The following LRRTM4 variants were observed in gnomAD, a reference collection of about 807,000 sequenced individuals.
LRRTM4 encodes the protein leucine rich repeat transmembrane neuronal 4.
LRRTM4 carries 25 observed loss-of-function variants against 47.6 expected under a neutral mutation model. The observed-to-expected ratio is 0.53, with a 90% confidence interval of 0.38 to 0.73. The LOEUF (loss-of-function observed/expected upper bound fraction) is 0.73. Ranked by LOEUF, LRRTM4 falls within the 30% of genes least tolerant of loss-of-function variation. The pLI, the probability that LRRTM4 is intolerant of heterozygous loss-of-function variation, is 0.00. For synonymous variants in LRRTM4, 311 were observed against 269.5 expected (o/e 1.15, Z -1.51); for missense variants, 638 against 713.4 (o/e 0.89, Z 1.20).
chr2:76,766,649 T>G (rs1398499644), intron 3 of LRRTM4, among the ~76,000 whole-genome samples: 2 of 152,180 alleles, frequency 1.3e-5, no homozygotes, highest in African/African-American at 4.8e-5. Context: ...GAGGTAGTAT[T>G]TATTTCTTGC....
At chr2:76,832,908 G>A (rs1266756942) in intron 3 of LRRTM4, among the ~76,000 whole-genome samples, 2 of 152,044 alleles carry the variant, frequency 1.3e-5, no homozygotes, top group African/African-American at 4.8e-5. Context: ...AGGAACTACA[G>A]GACCCAGAGG....
chr2:77,346,478 T>TG lies in LRRTM4; in HGVS notation c.1551+171839dup, dbSNP rs551987635. ...AGTACTTGTGTACACATGTGTGTGCTGGGGGGGTCTATGTACTTACATGGG... is the reference window on the plus strand; with the variant it reads ...AGTACTTGTGTACACATGTGTGTGCTGGGGGGGGTCTATGTACTTACATGGG... On this transcript the variant is annotated intron_variant, in intron 3 of 3. Transcript: ENST00000409884. Among the ~76,000 whole-genome samples, 665 of 152,120 alleles carry TG rather than the reference T, an allele frequency of 4.4e-3. 6 individuals carry two copies. The highest frequency in any genetic ancestry group is 9.0e-3 in the Admixed American group (137 of 15,254).
chr2:77,211,020 C>A (rs1325974198), intron 3 of LRRTM4, among the ~76,000 whole-genome samples: 1 of 152,050 alleles, frequency 6.6e-6, no homozygotes, highest in East Asian at 1.9e-4. Context: ...CAGAAAAAAG[C>A]TCCCCTGTAC....
At chr2:77,459,143 G>A (rs1202662151) in intron 3 of LRRTM4, among the ~76,000 whole-genome samples, 1 of 151,890 alleles carries the variant, frequency 6.6e-6, no homozygotes, top group Non-Finnish European at 1.5e-5. Context: ...AAAATTAAAA[G>A]CTCCACTCTA....
chr2:77,432,626 G>C (rs370730982), intron 3 of LRRTM4, among the ~76,000 whole-genome samples: 4 of 152,204 alleles, frequency 2.6e-5, no homozygotes, highest in African/African-American at 9.6e-5. Context: ...GAAAGGCTAA[G>C]AGATAAGTAT....
chr2:77,297,898 T>C (rs1312554426), intron 3 of LRRTM4, among the ~76,000 whole-genome samples: 1 of 152,216 alleles, frequency 6.6e-6, no homozygotes, highest in East Asian at 1.9e-4. Flanking sequence ...CAAAGACTTA[T>C]TCACCTACAA....
intron 3 of LRRTM4, among the ~76,000 whole-genome samples, chr2:77,365,957 A>T (rs575182808): frequency 1.4e-3 from 209 of 149,478 alleles, no homozygotes; most frequent in African/African-American, 5.0e-3. Flanking sequence ...TATATATATA[A>T]AATCTAAATA....
At chr2:77,026,535 A>G (rs1002445109) in intron 3 of LRRTM4, among the ~76,000 whole-genome samples, 1 of 152,150 alleles carries the variant, frequency 6.6e-6, no homozygotes. Flanking sequence ...TATTTACAAC[A>G]AAAGTAATAG....
chr2:77,480,287 C>A (rs1677621718), intron 3 of LRRTM4, among the ~76,000 whole-genome samples: 1 of 152,080 alleles, frequency 6.6e-6, no homozygotes, highest in Non-Finnish European at 1.5e-5. Flanking sequence ...AGAGCCCTTG[C>A]AAAATATCTC....
intron 3 of LRRTM4, among the ~76,000 whole-genome samples, chr2:76,916,384 CAAA>C (rs57874749): frequency 5.6e-5 from 3 of 53,500 alleles, no homozygotes; most frequent in Non-Finnish European, 1.1e-4. Context: ...GACTGTGTCT[CAAA>C]AAAAAAAAAA....
At chr2:77,269,832 G>T (rs1676145783) in intron 3 of LRRTM4, among the ~76,000 whole-genome samples, 1 of 152,138 alleles carries the variant, frequency 6.6e-6, no homozygotes, top group Admixed American at 6.6e-5. Flanking sequence ...ATAATCCAAT[G>T]TTTTATCCTT....
intron 3 of LRRTM4, among the ~76,000 whole-genome samples, chr2:77,427,508 G>A (rs1675170185): frequency 1.3e-5 from 2 of 152,338 alleles, no homozygotes; most frequent in East Asian, 3.9e-4. Context: ...GTACACAAAT[G>A]TGTGTAACAA....
At chr2:77,248,850 TAATG>T (rs1428747955) in intron 3 of LRRTM4, among the ~76,000 whole-genome samples, 1 of 152,034 alleles carries the variant, frequency 6.6e-6, no homozygotes, top group Non-Finnish European at 1.5e-5. Context: ...ACATACAAGA[TAATG>T]AATCTAAACA....
chr2:76,793,303 G>C (rs79498728), intron 3 of LRRTM4, among the ~76,000 whole-genome samples: 13,321 of 152,148 alleles, frequency 0.088, 923 homozygotes, highest in East Asian at 0.29. Context: ...TCATGGGTTA[G>C]CAAACAAATG....
At chr2:76,914,455 T>C (rs1674176971) in intron 3 of LRRTM4, among the ~76,000 whole-genome samples, 1 of 152,158 alleles carries the variant, frequency 6.6e-6, no homozygotes, top group Admixed American at 6.5e-5. Context: ...TTATATTTTT[T>C]GTAAAGTGTC....
intron 3 of LRRTM4, among the ~76,000 whole-genome samples, chr2:77,249,561 A>G (rs1351570983): frequency 6.6e-6 from 1 of 152,190 alleles, no homozygotes; most frequent in Non-Finnish European, 1.5e-5. Flanking sequence ...ATAAACAGAT[A>G]TTCCATATTC....
At chr2:77,031,905 A>G (rs1573475751) in intron 3 of LRRTM4, among the ~76,000 whole-genome samples, 1 of 152,076 alleles carries the variant, frequency 6.6e-6, no homozygotes, top group South Asian at 2.1e-4. Context: ...ATAGCAGTTC[A>G]GCATCTCAAA....
chr2:77,365,602 CCT>C, intron 3 of LRRTM4, among the ~76,000 whole-genome samples: 1 of 151,588 alleles, frequency 6.6e-6, no homozygotes, highest in East Asian at 1.9e-4. Context: ...ACAAATATTA[CCT>C]GTTAATATAT....
chr2:76,771,924 C>G (rs1673729077), intron 3 of LRRTM4, among the ~76,000 whole-genome samples: 1 of 152,100 alleles, frequency 6.6e-6, no homozygotes, highest in African/African-American at 2.4e-5. Flanking sequence ...TCCAGCGTTT[C>G]TCTTATCAAA....
Sources: gnomAD v4.1 joint callset for allele counts (sites outside exome capture counted in the v4.1 genomes callset) on GRCh38, gnomAD v4.1.1 for gene constraint, MANE v1.5 for transcripts, NCBI Gene and HGNC (gene_info 2026-07-23, HGNC 2026-07-21) for gene names.